Variants in KCNK13 observed in about 807,000 individuals in gnomAD.
KCNK13 encodes the protein potassium two pore domain channel subfamily K member 13, also known as potassium channel subfamily K member 13.
In KCNK13, 12 loss-of-function variants were observed where a neutral mutation model predicts 23.4. The observed-to-expected ratio is 0.51, with a 90% CI of 0.33 to 0.83. The LOEUF is 0.83. KCNK13 is among the 40% of genes least tolerant of loss of function. The probability of loss-of-function intolerance (pLI) is 0.02; values close to 1 mark genes in which losing one functional copy is unlikely to be tolerated. For synonymous variants in KCNK13, 231 were observed against 229.5 expected, an observed-to-expected ratio of 1.01 and a Z score of -0.06; for missense variants, 463 against 556.3, an observed-to-expected ratio of 0.83 and a Z score of 1.69.
At position 90,163,507 on chromosome 14, in the gene KCNK13, A is replaced by G. The variant is rs1596806358; in HGVS notation, c.335-20604A>G. On this transcript the variant is annotated intron_variant, in intron 1 of 1. Coordinates refer to ENST00000282146, the MANE Select transcript of KCNK13 (RefSeq NM_022054.4). ...CTCTTTCTGTTGCCCAATGGATAAC[A>G]ATGACTTCACCCTTTCTTAGCCACA... 6.6e-5 allele frequency among the ~76,000 whole-genome samples: 10 copies of G among 152,254 alleles called. No individual in the cohort carries two copies. The South Asian group carries it at 2.1e-3, about 32-fold the overall frequency.
intron 1 of KCNK13, among the ~76,000 whole-genome samples, chr14:90,099,162 G>T (rs528709053): frequency 6.6e-6 from 1 of 152,144 alleles, no homozygotes; most frequent in Non-Finnish European, 1.5e-5. Context: ...CAAACACTGT[G>T]TGTATGGTTG....
chr14:90,179,975 T>G (rs1303984663), intron 1 of KCNK13, among the ~76,000 whole-genome samples: 1 of 152,170 alleles, frequency 6.6e-6, no homozygotes, highest in Non-Finnish European at 1.5e-5. Flanking sequence ...GCGGTCTGGG[T>G]GTCTGTATAA....
intron 1 of KCNK13, among the ~76,000 whole-genome samples, chr14:90,099,987 C>T (rs1889455183): frequency 6.6e-6 from 1 of 152,206 alleles, no homozygotes; most frequent in African/African-American, 2.4e-5. Context: ...CAGCTCTGGA[C>T]TCTTCTGAAG....
At chr14:90,081,884 G>A (rs1889217216) in intron 1 of KCNK13, among the ~76,000 whole-genome samples, 1 of 152,134 alleles carries the variant, frequency 6.6e-6, no homozygotes, top group African/African-American at 2.4e-5. Context: ...GTTCTCTCAG[G>A]AATGGATTAG....
chr14:90,149,796 GA>G (rs1890114807), intron 1 of KCNK13, among the ~76,000 whole-genome samples: 1 of 152,206 alleles, frequency 6.6e-6, no homozygotes, highest in Non-Finnish European at 1.5e-5. Flanking sequence ...GCATTTTTAA[GA>G]AGCAACTTGA....
chr14:90,170,714 A>G (rs2151752), intron 1 of KCNK13, among the ~76,000 whole-genome samples: 84,956 of 151,966 alleles, frequency 0.56, 24,145 homozygotes, highest in East Asian at 0.81. Flanking sequence ...ATGAATCTGT[A>G]TGTTTTACAT....
intron 1 of KCNK13, among the ~76,000 whole-genome samples, chr14:90,134,044 A>G (rs1306218494): frequency 6.6e-6 from 1 of 152,136 alleles, no homozygotes; most frequent in African/African-American, 2.4e-5. Flanking sequence ...CATAGGCCAG[A>G]TACTTCTACC....
chr14:90,181,120 G>A (rs931266730), intron 1 of KCNK13, among the ~76,000 whole-genome samples: 1 of 152,192 alleles, frequency 6.6e-6, no homozygotes, highest in Non-Finnish European at 1.5e-5. Context: ...CTCCCAAACT[G>A]CTGGGATTAC....
rs146712886 is a variant in KCNK13, at chr14:90,153,236, C to T, written c.335-30875C>T. 8.7e-3 allele frequency among the ~76,000 whole-genome samples: 1,321 copies of T among 152,258 alleles called. 17 individuals carry two copies. The highest frequency in any genetic ancestry group is 0.03 in the African/African-American group (1,247 of 41,528). On this transcript the variant is annotated intron_variant, in intron 1 of 1. Transcript: ENST00000282146. ...ATTAGGTATTCCTCCCACTGTACTC[C>T]CTAAAGCCCCAAGAATAAGTAGGGC...
intron 1 of KCNK13, among the ~76,000 whole-genome samples, chr14:90,082,057 T>A (rs1889219121): frequency 6.6e-6 from 1 of 152,126 alleles, no homozygotes; most frequent in Non-Finnish European, 1.5e-5. Flanking sequence ...AACCATGAGC[T>A]AAATAAACCT....
intron 1 of KCNK13, among the ~76,000 whole-genome samples, chr14:90,065,113 C>T (rs1481927357): frequency 6.6e-6 from 1 of 152,136 alleles, no homozygotes; most frequent in Non-Finnish European, 1.5e-5. Flanking sequence ...TCTCCTTTTT[C>T]CTCTGCGTAT....
At chr14:90,128,945 C>T (rs559696595) in intron 1 of KCNK13, among the ~76,000 whole-genome samples, 21 of 152,314 alleles carry the variant, frequency 1.4e-4, no homozygotes, top group African/African-American at 4.6e-4. Context: ...TCCTATCCTG[C>T]GTCTTCCTCC....
intron 1 of KCNK13, among the ~76,000 whole-genome samples, chr14:90,127,793 T>A (rs1330744937): frequency 7.7e-6 from 1 of 129,738 alleles, no homozygotes; most frequent in Non-Finnish European, 1.6e-5. Flanking sequence ...CAGTCCAGCC[T>A]GGTAGACAAA....
intron 1 of KCNK13, among the ~76,000 whole-genome samples, chr14:90,145,730 G>A (rs1890065136): frequency 6.6e-6 from 1 of 152,056 alleles, no homozygotes; most frequent in African/African-American, 2.4e-5. Flanking sequence ...GGCCAGGTGT[G>A]GTGGCTCACA....
intron 1 of KCNK13, among the ~76,000 whole-genome samples, chr14:90,108,928 G>A (rs1889578999): frequency 6.6e-6 from 1 of 152,190 alleles, no homozygotes; most frequent in Non-Finnish European, 1.5e-5. Flanking sequence ...TGTAATCCCA[G>A]CACTTTGGGA....
intron 1 of KCNK13, among the ~76,000 whole-genome samples, chr14:90,112,790 G>A (rs1486029057): frequency 2.6e-5 from 4 of 151,574 alleles, no homozygotes; most frequent in Admixed American, 2.6e-4. Context: ...GTGGAAATGT[G>A]ATCATCCAAG....
intron 1 of KCNK13, among the ~76,000 whole-genome samples, chr14:90,081,592 A>G (rs186874961): frequency 3.3e-5 from 5 of 152,342 alleles, no homozygotes; most frequent in Admixed American, 6.5e-5. Context: ...TAATTCACAT[A>G]CCATAAAATT....
At chr14:90,134,116 G>C (rs1202503376) in intron 1 of KCNK13, among the ~76,000 whole-genome samples, 2 of 152,144 alleles carry the variant, frequency 1.3e-5, no homozygotes, top group African/African-American at 4.8e-5. Context: ...TACTCGGGAG[G>C]CTGAAATAGG....
At chr14:90,104,933 G>A (rs1278761400) in intron 1 of KCNK13, among the ~76,000 whole-genome samples, 2 of 144,902 alleles carry the variant, frequency 1.4e-5, no homozygotes, top group East Asian at 4.1e-4. Flanking sequence ...GGGATTACAG[G>A]CATGCACCAC....
Sources: gnomAD v4.1 joint callset for allele counts (sites outside exome capture counted in the v4.1 genomes callset) on GRCh38, gnomAD v4.1.1 for gene constraint, MANE v1.5 for transcripts, NCBI Gene and HGNC (gene_info 2026-07-23, HGNC 2026-07-21) for gene names.